COLQ: variants seen among roughly 807,000 people sequenced by gnomAD.
The protein encoded by COLQ is collagen like tail subunit of asymmetric acetylcholinesterase.
COLQ carries 48 observed loss-of-function variants against 69.0 expected under a neutral mutation model. The observed-to-expected ratio is 0.70, with a 90% CI of 0.55 to 0.88. The LOEUF is 0.88. Ranked by LOEUF, COLQ falls within the 40% of genes least tolerant of loss-of-function variation. The probability of loss-of-function intolerance (pLI) is 0.00; values close to 1 mark genes in which losing one functional copy is unlikely to be tolerated. For missense variants in COLQ, 618 were observed against 594.6 expected (o/e 1.04, Z -0.41); for synonymous variants, 217 against 211.2 (o/e 1.03, Z -0.24).
In COLQ at chr3:15,473,190, TGGCCCA is replaced by T; in HGVS notation, c.636+804_636+809del. 6.6e-6 allele frequency among the ~76,000 whole-genome samples: 1 copy of T among 151,692 alleles called. No homozygotes were observed. The highest frequency in any genetic ancestry group is 2.1e-4 in the South Asian group (1 of 4,788). ...TTTATTGAGACAGGGTCTGCCTCTG[TGGCCCA>T]GGCTGGAGTGCAGTGGTGCAATCAT... On this transcript the variant is annotated intron_variant, in intron 10 of 16. Coordinates refer to ENST00000383788, the MANE Select transcript of COLQ (RefSeq NM_005677.4). This position sits in a 1 kb window ranked among gnomAD's most constrained non-coding sequence, Gnocchi z 4.0.
At position 15,453,878 on chromosome 3, in the gene COLQ, A is replaced by C; in HGVS notation, c.1249T>G (p.Cys417Gly). ...AGGTAGCCAAAGTCAGAGCCGTCACAGTCCTCCACACCCTCATGCCGGTGA... is the reference window on the plus strand; with the variant it reads ...AGGTAGCCAAAGTCAGAGCCGTCACCGTCCTCCACACCCTCATGCCGGTGA... Reference protein sequence around the residue: ...DGHRHEGVEDCDGSDFGYLTC... With the variant: ...DGHRHEGVEDGDGSDFGYLTC... Residue 417 changes from cysteine to glycine, a missense_variant, in exon 16 of 17, where the codon TGT becomes GGT. Cys to Gly is a radical substitution (Grantham distance 159). Coordinates refer to ENST00000383788, the MANE Select transcript of COLQ (RefSeq NM_005677.4). The C allele has an allele frequency of 6.2e-7, 1 of 1,612,376 alleles. No homozygotes were observed. Among genetic ancestry groups the C allele is most frequent in the Non-Finnish European group, 8.5e-7 (1 of 1,179,202 alleles).
At chr3:15,464,096 G>T (rs1417450532) in intron 12 of COLQ, among the ~76,000 whole-genome samples, 1 of 151,688 alleles carries the variant, frequency 6.6e-6, no homozygotes, top group African/African-American at 2.4e-5. Flanking sequence ...GAAGGACAAA[G>T]CTCCTAATTG....
chr3:15,521,568 T>C lies in COLQ; in HGVS notation c.58A>G (p.Ile20Val), dbSNP rs909968550. The change falls in exon 1 of 17, where the codon ATC becomes GTC. Residue 20 changes from isoleucine to valine, a missense_variant. Ile to Val is a conservative substitution (Grantham distance 29). Transcript: ENST00000383788. The part of the protein sequence containing the change: ...GIYLQLFFLS[I>V]VSQPTFINSV... ...TTGATGAAAGTCGGCTGAGACACGA[T>C]AGAGAGGAAGAAAAGCTGAAGATAA... 3.1e-6 allele frequency: 5 copies of C among 1,614,156 alleles called. No individual in the cohort carries two copies. Among genetic ancestry groups the C allele is most frequent in the South Asian group, 1.1e-5 (1 of 91,084 alleles).
At position 15,518,944 on chromosome 3, in the gene COLQ, A is replaced by G. The variant is rs1027782165; in HGVS notation, c.106+2576T>C. Among the ~76,000 whole-genome samples, 12 of 152,308 alleles carry G rather than the reference A, an allele frequency of 7.9e-5. 1 individual carries two copies. Among genetic ancestry groups the G allele is most frequent in the East Asian group, 1.9e-4 (1 of 5,190 alleles). On this transcript the variant is annotated intron_variant, in intron 1 of 16. Transcript: ENST00000383788. Reference sequence around the variant, plus strand: ...TTCTGTGTATACACAGCCTATCTTCAGAAGAATTAAGAGTCTATAAGCTTC... The same window carrying G: ...TTCTGTGTATACACAGCCTATCTTCGGAAGAATTAAGAGTCTATAAGCTTC...
At chr3:15,462,881 T>C (rs920276845) in intron 12 of COLQ, among the ~76,000 whole-genome samples, 6 of 151,872 alleles carry the variant, frequency 4.0e-5, no homozygotes, top group Non-Finnish European at 5.9e-5. Context: ...AGAGAGACCA[T>C]AGGAATAGCT....
At chr3:15,489,244 A>G (rs1251409631) in intron 2 of COLQ, among the ~76,000 whole-genome samples, 2 of 152,228 alleles carry the variant, frequency 1.3e-5, no homozygotes, top group Non-Finnish European at 2.9e-5. Context: ...TTATAAATTC[A>G]CCTCATGGTT....
intron 15 of COLQ, among the ~76,000 whole-genome samples, chr3:15,454,838 T>A (rs1406519562): frequency 6.6e-6 from 1 of 150,616 alleles, no homozygotes; most frequent in Non-Finnish European, 1.5e-5. Flanking sequence ...TTAATTTTTA[T>A]TTTTTTTTGT....
chr3:15,461,695 C>T (rs1007963876), intron 12 of COLQ, among the ~76,000 whole-genome samples: 1 of 152,258 alleles, frequency 6.6e-6, no homozygotes, highest in Admixed American at 6.5e-5. Flanking sequence ...TGTGACCTTG[C>T]AGGCATCACT....
chr3:15,460,115 A>G (rs1263045453), intron 12 of COLQ, among the ~76,000 whole-genome samples: 3 of 152,168 alleles, frequency 2.0e-5, no homozygotes, highest in Admixed American at 6.5e-5. Context: ...TCTTCACAGC[A>G]CTTCTCTTTG....
In COLQ at chr3:15,466,351, G is replaced by A; in HGVS notation, c.804C>T (p.Pro268=). 1 of 1,613,478 alleles carries A rather than the reference G, an allele frequency of 6.2e-7. No homozygotes were observed. Among genetic ancestry groups the A allele is most frequent in the Admixed American group, 1.7e-5 (1 of 60,006 alleles). ...GQPGRPGPPG[P]PPAGQLIMGP... is the part of the protein sequence containing the mutation. Reference sequence around the variant, plus strand: ...CAGTGTAGCTCTTACCTGCAGGTGGGGGGCCTGGGGGCCCCGGACGGCCAG... The same window carrying A: ...CAGTGTAGCTCTTACCTGCAGGTGGAGGGCCTGGGGGCCCCGGACGGCCAG... Residue 268 remains proline (P), a synonymous_variant, in exon 12 of 17, where the codon CCC becomes CCT. Transcript: ENST00000383788.
chr3:15,460,741 AG>A (rs1286977347), intron 12 of COLQ, among the ~76,000 whole-genome samples: 1 of 152,236 alleles, frequency 6.6e-6, no homozygotes, highest in African/African-American at 2.4e-5. Flanking sequence ...ATAATTCTGT[AG>A]GAAGAGCTCC....
At chr3:15,507,611 C>A (rs2062928774) in intron 1 of COLQ, among the ~76,000 whole-genome samples, 2 of 152,160 alleles carry the variant, frequency 1.3e-5, no homozygotes, top group Admixed American at 6.5e-5. Context: ...TGTGCAACCA[C>A]GCCCAACTAA....
intron 1 of COLQ, among the ~76,000 whole-genome samples, chr3:15,492,756 A>C (rs920927386): frequency 1.3e-5 from 2 of 152,214 alleles, no homozygotes; most frequent in Admixed American, 1.3e-4. Context: ...GACATTTCAA[A>C]GTCATGGAGG....
Position 15,455,974 on chromosome 3 carries a change from T to G in COLQ, c.1120A>C (p.Thr374Pro), listed in dbSNP as rs1553634628. Residue 374 changes from threonine (T) to proline (P), a missense_variant, in exon 15 of 17, where the codon ACC (threonine) becomes CCC (proline). Thr to Pro is a conservative substitution (Grantham distance 38). Coordinates refer to ENST00000383788, the MANE Select transcript of COLQ (RefSeq NM_005677.4). ...PVDYTADQHGTCGDGLLQPGE... is the reference protein window; with the variant it reads ...PVDYTADQHGPCGDGLLQPGE... ...GGCTGCAGGAGCCCATCCCCACAGGTGCCGTGCTGGTCTGCAGTGTAATCC... is the reference window on the plus strand; with the variant it reads ...GGCTGCAGGAGCCCATCCCCACAGGGGCCGTGCTGGTCTGCAGTGTAATCC... 1 of 1,613,724 alleles carries G rather than the reference T, an allele frequency of 6.2e-7. No homozygotes were observed. Among genetic ancestry groups the G allele is most frequent in the Non-Finnish European group, 8.5e-7 (1 of 1,179,898 alleles).
intron 3 of COLQ, among the ~76,000 whole-genome samples, chr3:15,483,127 G>A (rs1036917145): frequency 2.6e-5 from 4 of 152,036 alleles, no homozygotes; most frequent in African/African-American, 9.7e-5. Context: ...CTTGCTAGCG[G>A]TCTATTAATT....
At chr3:15,458,451 G>T in intron 12 of COLQ, 126 bp from the exon 13 acceptor site, 1 of 1,041,966 alleles carries the variant, frequency 9.6e-7, no homozygotes, top group Non-Finnish European at 1.5e-6. Flanking sequence ...GTATGCCTGA[G>T]GGAGAGGTTC....
intron 8 of COLQ, 112 bp from the exon 9 acceptor site, chr3:15,474,384 A>C: frequency 1.8e-6 from 2 of 1,113,442 alleles, no homozygotes; most frequent in Admixed American, 3.4e-5. Context: ...CAAGTGAAGA[A>C]ATAGGCTCAG....
At chr3:15,470,415 G>C (rs1204716434) in intron 11 of COLQ, 121 bp downstream of exon 11, 1 of 890,676 alleles carries the variant, frequency 1.1e-6, no homozygotes, top group Non-Finnish European at 1.9e-6. Flanking sequence ...TGCTAGCCCA[G>C]AGGATGCTGG....
At position 15,513,254 on chromosome 3, in the gene COLQ, G is replaced by A. The variant is rs570930213; in HGVS notation, c.106+8266C>T. 1.1e-4 allele frequency among the ~76,000 whole-genome samples: 17 copies of A among 152,298 alleles called. No individual in the cohort carries two copies. In the East Asian group the frequency reaches 2.7e-3, roughly 24 times the overall value. On this transcript the variant is annotated intron_variant, in intron 1 of 16. Coordinates refer to ENST00000383788, the MANE Select transcript of COLQ (RefSeq NM_005677.4). ...TATAACTGTTACTGTCCAGAGAGGC[G>A]ATGGAGGCAAGGAACTGTGTAAGGG... is the stretch of plus-strand genomic sequence containing the variant.
Sources: allele counts gnomAD v4.1 joint callset (sites outside exome capture counted in the v4.1 genomes callset), GRCh38; gene constraint gnomAD v4.1.1; non-coding constraint Gnocchi (gnomAD v3.1); transcripts MANE v1.5; gene names NCBI Gene and HGNC (gene_info 2026-07-23, HGNC 2026-07-21).